The following ANK3 variants were observed in gnomAD, a reference collection of about 807,000 sequenced individuals.
ANK3 encodes ankyrin 3.
ANK3 carries 57 observed loss-of-function variants against 370.9 expected under a neutral mutation model. That is an observed-to-expected ratio of 0.15 (90% CI 0.12 to 0.19). The LOEUF is 0.19. ANK3 is among the 10% of genes least tolerant of loss of function. The probability of loss-of-function intolerance (pLI) is 1.00; values close to 1 mark genes in which losing one functional copy is unlikely to be tolerated. For missense variants in ANK3, 4,439 were observed against 5,302.1 expected, an observed-to-expected ratio of 0.84 and a Z score of 5.06; for synonymous variants, 1,929 against 1,946.3, an observed-to-expected ratio of 0.99 and a Z score of 0.23.
chr10:60,032,732 T>G (rs566510836), intron 43 of ANK3, among the ~76,000 whole-genome samples: 1 of 152,160 alleles, frequency 6.6e-6, no homozygotes, highest in Non-Finnish European at 1.5e-5. Context: ...CCAGTGAGGA[T>G]GTTTTGGGTG....
In ANK3 at chr10:60,158,685, C is replaced by CTTTTCTTTTTTT. The variant is rs1555028776; in HGVS notation, c.2614+7905_2614+7906insAAAAAAAGAAAA. ...TACTACAAGAGAAAGCACTTTTTTT[C>CTTTTCTTTTTTT]TTTTTTTTGAGACAGAATCTCATTC... On this transcript the variant is annotated intron_variant, in intron 23 of 43. Coordinates refer to ENST00000280772, the MANE Select transcript of ANK3 (RefSeq NM_020987.5). Among the ~76,000 whole-genome samples, 115 of 132,756 alleles carry CTTTTCTTTTTTT rather than the reference C, an allele frequency of 8.7e-4. 4 individuals carry two copies. The highest frequency in any genetic ancestry group is 4.2e-3 in the Middle Eastern group (1 of 236). The allele number at this position is 132,756 out of a possible 152,430, so 87.1% of individuals were successfully genotyped here. A position where few individuals can be genotyped will look rare whatever the true frequency, so the allele number is the denominator to read the frequency against.
At chr10:60,523,192 T>C (rs1396404444) in intron 2 of ANK3, among the ~76,000 whole-genome samples, 1 of 152,114 alleles carries the variant, frequency 6.6e-6, no homozygotes, top group Non-Finnish European at 1.5e-5. Flanking sequence ...ATAATATTTA[T>C]GTACCAAAAG....
chr10:60,633,723 G>A (rs1258512350), intron 1 of ANK3, among the ~76,000 whole-genome samples: 1 of 152,146 alleles, frequency 6.6e-6, no homozygotes, highest in Non-Finnish European at 1.5e-5. Flanking sequence ...GATAACTATA[G>A]GTGATATTTA....
intron 1 of ANK3, chr10:60,300,323 T>C (rs917085291): frequency 1.2e-5 from 15 of 1,281,804 alleles, no homozygotes; most frequent in Non-Finnish European, 1.4e-5. Context: ...GCTTACTTGT[T>C]CTGGGAAGCT....
At chr10:60,384,041 G>A (rs868242233) in intron 1 of ANK3, among the ~76,000 whole-genome samples, 1 of 152,086 alleles carries the variant, frequency 6.6e-6, no homozygotes, top group African/African-American at 2.4e-5. Context: ...TCAAGCCTAG[G>A]TCCACCAATC....
intron 17 of ANK3, among the ~76,000 whole-genome samples, chr10:60,182,385 A>T (rs1591389797): frequency 6.6e-6 from 1 of 152,234 alleles, no homozygotes; most frequent in African/African-American, 2.4e-5. Flanking sequence ...GAATTTGCAG[A>T]ACACATGGTT....
intron 28 of ANK3, among the ~76,000 whole-genome samples, chr10:60,089,206 C>T (rs2087520781): frequency 6.6e-6 from 1 of 152,142 alleles, no homozygotes; most frequent in Non-Finnish European, 1.5e-5. Context: ...CATCTTCTTC[C>T]CTGCTGTCTA....
intron 2 of ANK3, among the ~76,000 whole-genome samples, chr10:60,458,489 AT>A (rs2064805881): frequency 6.6e-6 from 1 of 152,156 alleles, no homozygotes; most frequent in Non-Finnish European, 1.5e-5. Context: ...ATACCAGCTG[AT>A]TATGACCTCA....
chr10:60,406,919 A>G lies in ANK3; in HGVS notation c.97-127280T>C, dbSNP rs2063467990. ...ACCAAATCTTTCACCCGGGCAAATT[A>G]TAACAGGAAAGCAAGCCGTTTAATG... On this transcript the variant is annotated intron_variant, in intron 2 of 43. Transcript: ENST00000373827. Among the ~76,000 whole-genome samples the G allele has an allele frequency of 3.9e-5, 6 of 152,204 alleles. No homozygotes were observed. The South Asian group carries it at 1.2e-3, about 31-fold the overall frequency.
rs57853504 is a variant in ANK3 at position 60,085,558 on chromosome 10, AT to A, written c.3749-306del. ...TTTATAAGTATATTTTATAAATGCA[AT>A]TTGTAAGTGCAAAGATTGGTTGTTT... On this transcript the variant is annotated intron_variant, in intron 30 of 43. Transcript: ENST00000280772. Among the ~76,000 whole-genome samples, 52 of 151,552 alleles carry A rather than the reference AT, an allele frequency of 3.4e-4. 1 individual carries two copies. In the East Asian group the frequency reaches 9.9e-3, roughly 29 times the overall value.
At chr10:60,184,450 G>A (rs1265026110) in intron 17 of ANK3, among the ~76,000 whole-genome samples, 4 of 152,198 alleles carry the variant, frequency 2.6e-5, no homozygotes, top group Non-Finnish European at 4.4e-5. Flanking sequence ...AGTTTCTAAT[G>A]AGAAGTTAGA....
At chr10:60,518,381 A>G (rs1426768102) in intron 2 of ANK3, among the ~76,000 whole-genome samples, 1 of 152,066 alleles carries the variant, frequency 6.6e-6, no homozygotes, top group East Asian at 1.9e-4. Flanking sequence ...CAAGCCCCCT[A>G]ACGTTACTAC....
At chr10:60,243,762 T>C (rs2097510899) in intron 7 of ANK3, among the ~76,000 whole-genome samples, 1 of 152,192 alleles carries the variant, frequency 6.6e-6, no homozygotes, top group Admixed American at 6.5e-5. Context: ...ACAAGGATAT[T>C]ATGAAATAAT....
intron 1 of ANK3, among the ~76,000 whole-genome samples, chr10:60,310,869 G>A (rs1232255920): frequency 6.6e-6 from 1 of 152,018 alleles, no homozygotes; most frequent in African/African-American, 2.4e-5. Context: ...AAATCAAAAG[G>A]TCAAGTGGAG....
intron 1 of ANK3, among the ~76,000 whole-genome samples, chr10:60,320,834 C>A (rs2048475029): frequency 6.6e-6 from 1 of 152,074 alleles, no homozygotes; most frequent in South Asian, 2.1e-4. Flanking sequence ...TACAATCCCT[C>A]CCTTCTCCAC....
At position 60,240,306 on chromosome 10, in the gene ANK3, A is replaced by ATATATTTTTTTT. The variant is rs11282162; in HGVS notation, c.799-5521_799-5520insAAAAAAAATATA. ...CATATATATATATATATATATATAT[A>ATATATTTTTTTT]TTTTTTTTTCTTTTTGAGATAGAGT... is the stretch of plus-strand genomic sequence containing the variant. On this transcript the variant is annotated intron_variant, in intron 7 of 43. Coordinates refer to ENST00000280772, the MANE Select transcript of ANK3 (RefSeq NM_020987.5). 7.8e-4 allele frequency among the ~76,000 whole-genome samples: 94 copies of ATATATTTTTTTT among 119,750 alleles called. 4 individuals carry two copies. The highest frequency in any genetic ancestry group is 1.4e-3 in the Non-Finnish European group (81 of 58,532). The allele number at this position is 119,750 out of a possible 152,430, so 78.6% of individuals were successfully genotyped here.
intron 2 of ANK3, among the ~76,000 whole-genome samples, chr10:60,570,176 G>C (rs891024517): frequency 6.6e-6 from 1 of 152,292 alleles, no homozygotes; most frequent in Middle Eastern, 3.4e-3. Flanking sequence ...AACTGGTAGA[G>C]ATAATTCAAT....
intron 2 of ANK3, chr10:60,572,640 C>G: frequency 6.8e-7 from 1 of 1,463,208 alleles, no homozygotes; most frequent in South Asian, 1.4e-5. Flanking sequence ...TACGGGTGCT[C>G]CCCAGGCAAA....
intron 8 of ANK3, among the ~76,000 whole-genome samples, chr10:60,230,820 T>C (rs1450076005): frequency 6.8e-6 from 1 of 148,072 alleles, no homozygotes; most frequent in East Asian, 2.0e-4. Context: ...ACCCAGGAGG[T>C]GGAGCTTGCA....
Sources: allele counts gnomAD v4.1 joint callset (sites outside exome capture counted in the v4.1 genomes callset), GRCh38; gene constraint gnomAD v4.1.1; transcripts MANE v1.5; gene names NCBI Gene and HGNC (gene_info 2026-07-23, HGNC 2026-07-21).